The following CHRM3 variants were observed in gnomAD, a reference collection of about 807,000 sequenced individuals.
The protein encoded by CHRM3 is cholinergic receptor muscarinic 3, also known as muscarinic acetylcholine receptor M3.
A neutral mutation model predicts 41.8 loss-of-function variants in CHRM3; 11 were observed. The observed-to-expected ratio is 0.26, with a 90% CI of 0.17 to 0.44. The LOEUF (loss-of-function observed/expected upper bound fraction) is 0.44. CHRM3 is among the 20% of genes least tolerant of loss of function. CHRM3 has a pLI of 1.00. For synonymous variants in CHRM3, 297 were observed against 301.4 expected, an observed-to-expected ratio of 0.99 and a Z score of 0.15; for missense variants, 571 against 745.4, an observed-to-expected ratio of 0.77 and a Z score of 2.72.
At chr1:239,586,014 A>T (rs1376999644) in intron 3 of CHRM3, among the ~76,000 whole-genome samples, 1 of 152,164 alleles carries the variant, frequency 6.6e-6, no homozygotes, top group Non-Finnish European at 1.5e-5. Flanking sequence ...CATAATGCAG[A>T]TCTTGGTTTA....
intron 1 of CHRM3, among the ~76,000 whole-genome samples, chr1:239,436,003 G>A (rs1297201040): frequency 6.6e-6 from 1 of 152,114 alleles, no homozygotes; most frequent in Non-Finnish European, 1.5e-5. Context: ...TGACAAAGTG[G>A]ATATATAGGG....
intron 5 of CHRM3, among the ~76,000 whole-genome samples, chr1:239,762,441 G>C (rs759670288): frequency 5.9e-5 from 9 of 152,114 alleles, no homozygotes; most frequent in Non-Finnish European, 1.3e-4. Flanking sequence ...AAAGTGTGTG[G>C]TACATAAATG....
At chr1:239,757,585 G>A (rs1269994554) in intron 5 of CHRM3, among the ~76,000 whole-genome samples, 6 of 150,900 alleles carry the variant, frequency 4.0e-5, no homozygotes, top group Admixed American at 2.0e-4. Context: ...AGCCGAGATC[G>A]CGCCACTGCA....
At chr1:239,600,765 T>G (rs1378802561) in intron 3 of CHRM3, among the ~76,000 whole-genome samples, 1 of 149,156 alleles carries the variant, frequency 6.7e-6, no homozygotes, top group Non-Finnish European at 1.5e-5. Context: ...CTTTCCTTCC[T>G]TCCTTTTTCT....
intron 2 of CHRM3, among the ~76,000 whole-genome samples, chr1:239,543,865 A>C (rs1659031595): frequency 6.6e-6 from 1 of 152,128 alleles, no homozygotes; most frequent in Non-Finnish European, 1.5e-5. Flanking sequence ...TGTGGGTCAT[A>C]CTGTTTCTGT....
At chr1:239,438,147 C>T (rs530683128) in intron 1 of CHRM3, among the ~76,000 whole-genome samples, 1 of 152,264 alleles carries the variant, frequency 6.6e-6, no homozygotes, top group East Asian at 1.9e-4. Flanking sequence ...ATATTCTCAC[C>T]TAAATTATCT....
At chr1:239,499,111 G>A (rs1361739899) in intron 2 of CHRM3, among the ~76,000 whole-genome samples, 3 of 152,152 alleles carry the variant, frequency 2.0e-5, no homozygotes, top group Admixed American at 6.6e-5. Context: ...GTAGAAGTGC[G>A]TATTGGTAAG....
intron 2 of CHRM3, among the ~76,000 whole-genome samples, chr1:239,529,609 C>CAAAAAAAAAAAAAAAAAAAA (rs74990447): frequency 9.0e-6 from 1 of 110,856 alleles, no homozygotes; most frequent in Non-Finnish European, 1.8e-5. Context: ...GACTCCGTCT[C>CAAAAAAAAAAAAAAAAAAAA]AAAAAAAAAA....
At chr1:239,469,691 G>A (rs959055237) in intron 1 of CHRM3, among the ~76,000 whole-genome samples, 2 of 152,038 alleles carry the variant, frequency 1.3e-5, no homozygotes, top group Non-Finnish European at 2.9e-5. Flanking sequence ...GGAGTAGCTG[G>A]GATTACAGGC....
At chr1:239,804,645 G>A (rs1670486877) in intron 5 of CHRM3, among the ~76,000 whole-genome samples, 1 of 152,132 alleles carries the variant, frequency 6.6e-6, no homozygotes, top group Admixed American at 6.6e-5. Context: ...TCTTTCCTGT[G>A]CAGTCACATC....
intron 2 of CHRM3, among the ~76,000 whole-genome samples, chr1:239,541,150 T>C (rs1658736903): frequency 6.6e-6 from 1 of 152,196 alleles, no homozygotes; most frequent in Non-Finnish European, 1.5e-5. Context: ...GTGTGGGTTT[T>C]CTCCAGGTAC....
chr1:239,752,423 G>A (rs1665905619), intron 5 of CHRM3, among the ~76,000 whole-genome samples: 4 of 152,162 alleles, frequency 2.6e-5, no homozygotes, highest in Admixed American at 2.6e-4. Context: ...CCTGCTTTTT[G>A]AGTATATGAG....
intron 1 of CHRM3, among the ~76,000 whole-genome samples, chr1:239,427,625 G>A (rs1035591745): frequency 6.6e-5 from 10 of 152,124 alleles, no homozygotes; most frequent in African/African-American, 1.7e-4. Flanking sequence ...ATCCTCCTGG[G>A]GCCCAGGGCA....
intron 5 of CHRM3, among the ~76,000 whole-genome samples, chr1:239,820,759 G>GA (rs1671976293): frequency 6.6e-6 from 1 of 151,998 alleles, no homozygotes. Context: ...CTGCATTCCA[G>GA]AAAAAACTAT....
At chr1:239,895,426 A>T (rs191209460) in intron 6 of CHRM3, among the ~76,000 whole-genome samples, 1 of 152,200 alleles carries the variant, frequency 6.6e-6, no homozygotes, top group African/African-American at 2.4e-5. Context: ...CTTTTCACAG[A>T]TCTTGCTTTC....
intron 6 of CHRM3, among the ~76,000 whole-genome samples, chr1:239,834,444 A>C (rs1673148097): frequency 1.3e-5 from 2 of 150,666 alleles, no homozygotes; most frequent in African/African-American, 2.4e-5. Flanking sequence ...TCCCAAACTT[A>C]ATAGGGGACT....
chr1:239,690,866 ATG>A (rs953654678), intron 5 of CHRM3, among the ~76,000 whole-genome samples: 1 of 151,898 alleles, frequency 6.6e-6, no homozygotes, highest in Non-Finnish European at 1.5e-5. Context: ...AAGTACCTAA[ATG>A]TATATATAGT....
chr1:239,689,606 A>C (rs1659512734), intron 5 of CHRM3, among the ~76,000 whole-genome samples: 1 of 152,200 alleles, frequency 6.6e-6, no homozygotes, highest in Admixed American at 6.5e-5. Flanking sequence ...ACAACTTTGC[A>C]CTACGTCTTC....
chr1:239,473,502 A>G (rs1251886912), intron 1 of CHRM3, among the ~76,000 whole-genome samples: 1 of 152,196 alleles, frequency 6.6e-6, no homozygotes, highest in Non-Finnish European at 1.5e-5. Flanking sequence ...GTTGGTGAGT[A>G]AGTAATTTTG....
Sources: allele counts gnomAD v4.1 joint callset (sites outside exome capture counted in the v4.1 genomes callset), GRCh38; gene constraint gnomAD v4.1.1; transcripts MANE v1.5; gene names NCBI Gene and HGNC (gene_info 2026-07-23, HGNC 2026-07-21).